SUCLG2: variants seen among roughly 807,000 people sequenced by gnomAD.
The protein encoded by SUCLG2 is succinate-CoA ligase GDP-forming subunit beta, also known as succinate--CoA ligase [GDP-forming] subunit beta, mitochondrial.
SUCLG2 carries 42 observed loss-of-function variants against 47.9 expected under a neutral mutation model. The ratio of observed to expected loss-of-function variants is 0.88; its 90% confidence interval spans 0.69 to 1.14. The LOEUF (loss-of-function observed/expected upper bound fraction) is 1.14, where lower values mean the gene tolerates loss of function less well. Ranked by LOEUF, SUCLG2 falls within the 50% of genes most tolerant of loss-of-function variation. The pLI, the probability that SUCLG2 is intolerant of heterozygous loss-of-function variation, is 0.00. For synonymous variants in SUCLG2, 195 were observed against 197.3 expected (o/e 0.99, Z 0.10); for missense variants, 571 against 525.9 (o/e 1.09, Z -0.84).
intron 2 of SUCLG2, among the ~76,000 whole-genome samples, chr3:67,535,838 G>T (rs575011806): frequency 2.8e-4 from 43 of 152,240 alleles, no homozygotes; most frequent in African/African-American, 1.0e-3. Context: ...CAAATTCTGT[G>T]CAAACTCCTC....
intron 2 of SUCLG2, among the ~76,000 whole-genome samples, chr3:67,571,657 C>T (rs1253789153): frequency 9.9e-5 from 15 of 152,194 alleles, no homozygotes; most frequent in Non-Finnish European, 2.2e-4. Context: ...ACAGTAAACA[C>T]TGGCTAAATG....
At chr3:67,456,317 T>C (rs1055386469) in intron 9 of SUCLG2, among the ~76,000 whole-genome samples, 4 of 152,190 alleles carry the variant, frequency 2.6e-5, no homozygotes, top group Admixed American at 1.3e-4. Context: ...GGCTATAACA[T>C]AGGCAGGTCT....
chr3:67,546,513 T>C (rs1379668799), intron 2 of SUCLG2, among the ~76,000 whole-genome samples: 1 of 152,154 alleles, frequency 6.6e-6, no homozygotes, highest in Non-Finnish European at 1.5e-5. Context: ...GGCAGGTGGA[T>C]CACTTGAGGC....
Position 67,470,070 on chromosome 3 carries a change from T to C in SUCLG2, c.1062+25728A>G, listed in dbSNP as rs746027748. On this transcript the variant is annotated intron_variant, in intron 9 of 10. Coordinates refer to ENST00000307227, the MANE Select transcript of SUCLG2 (RefSeq NM_003848.4). Reference sequence around the variant, plus strand: ...CAAAAAAAAAAAAAAAAAAATGTTGTCCAAGGAATTAACTTTCTCAATTCA... The same window carrying C: ...CAAAAAAAAAAAAAAAAAAATGTTGCCCAAGGAATTAACTTTCTCAATTCA... Among the ~76,000 whole-genome samples the C allele has an allele frequency of 8.3e-4, 125 of 151,450 alleles. 3 individuals are homozygous for C. In the Middle Eastern group the frequency reaches 0.01, roughly 13 times the overall value.
intron 2 of SUCLG2, among the ~76,000 whole-genome samples, chr3:67,604,251 G>A (rs944869529): frequency 2.0e-5 from 3 of 152,120 alleles, no homozygotes; most frequent in East Asian, 3.9e-4. Context: ...AGAGATAAAA[G>A]CAAATGAATC....
At chr3:67,371,777 T>TA (rs1442344654), downstream of SUCLG2, among the ~76,000 whole-genome samples, 1 of 152,190 alleles carries the variant, frequency 6.6e-6, no homozygotes, top group East Asian at 1.9e-4. Flanking sequence ...TCCCCATAGA[T>TA]ACAAAACAAA....
chr3:67,456,928 C>T (rs72918985), intron 9 of SUCLG2, among the ~76,000 whole-genome samples: 3,853 of 152,112 alleles, frequency 0.025, 158 homozygotes, highest in African/African-American at 0.088. Flanking sequence ...AGGTTATTTT[C>T]CTTTTCTTCT....
intron 9 of SUCLG2, among the ~76,000 whole-genome samples, chr3:67,453,289 G>C (rs1367842519): frequency 6.6e-6 from 1 of 151,594 alleles, no homozygotes; most frequent in East Asian, 1.9e-4. Flanking sequence ...CCATTAACTG[G>C]ATAGTTTATA....
At chr3:67,553,977 C>G (rs1707090425) in intron 2 of SUCLG2, among the ~76,000 whole-genome samples, 1 of 152,240 alleles carries the variant, frequency 6.6e-6, no homozygotes, top group African/African-American at 2.4e-5. Context: ...TTACTAAATT[C>G]TAAACCTTCC....
chr3:67,360,531 T>C (rs887775712), exon 11 of SUCLG2: 7 of 1,266,808 alleles, frequency 5.5e-6, no homozygotes, highest in Middle Eastern at 4.2e-4. Context: ...CCATTTCCAT[T>C]AGCATGCAGC....
intron 9 of SUCLG2, among the ~76,000 whole-genome samples, chr3:67,453,968 T>C (rs1575706683): frequency 6.6e-6 from 1 of 152,248 alleles, no homozygotes; most frequent in African/African-American, 2.4e-5. Flanking sequence ...TGTATGTGTG[T>C]GCAAATGGCT....
At chr3:67,366,943 C>A (rs868533825) in intron 10 of SUCLG2, among the ~76,000 whole-genome samples, 1 of 152,182 alleles carries the variant, frequency 6.6e-6, no homozygotes, top group African/African-American at 2.4e-5. Flanking sequence ...ATCACTGGAA[C>A]AAAATGTGGC....
intron 6 of SUCLG2, among the ~76,000 whole-genome samples, chr3:67,512,932 C>T (rs1705836418): frequency 6.6e-6 from 1 of 150,410 alleles, no homozygotes; most frequent in Non-Finnish European, 1.5e-5. Context: ...TATATACGCA[C>T]ATATATATCT....
chr3:67,372,703 T>C (rs542226949), downstream of SUCLG2, among the ~76,000 whole-genome samples: 5 of 152,316 alleles, frequency 3.3e-5, no homozygotes, highest in South Asian at 1.0e-3. Flanking sequence ...GGGTTTAAAA[T>C]GGAAAGATCA....
intron 2 of SUCLG2, among the ~76,000 whole-genome samples, chr3:67,603,892 G>C (rs916530945): frequency 6.6e-6 from 1 of 152,152 alleles, no homozygotes; most frequent in Admixed American, 6.5e-5. Context: ...ATGATCTGTT[G>C]ACTGTATTCA....
chr3:67,626,697 G>A lies in SUCLG2; in HGVS notation c.85-17101C>T, dbSNP rs548174345. Among the ~76,000 whole-genome samples, 32 of 152,180 alleles carry A rather than the reference G, an allele frequency of 2.1e-4. No individual in the cohort carries two copies. The East Asian group carries it at 5.4e-3, about 26-fold the overall frequency. ...TGGGAGGCCAAAGCGGGTGAATCAC[G>A]AGGTCAGGACATCGAGGCCATCCTG... On this transcript the variant is annotated intron_variant, in intron 1 of 10. Coordinates refer to ENST00000307227, the MANE Select transcript of SUCLG2 (RefSeq NM_003848.4).
intron 2 of SUCLG2, among the ~76,000 whole-genome samples, chr3:67,589,506 C>T (rs2107273783): frequency 6.6e-6 from 1 of 152,268 alleles, no homozygotes; most frequent in Middle Eastern, 3.4e-3. Flanking sequence ...CTTGGATACC[C>T]CACTACTGGC....
chr3:67,623,074 AAT>A (rs138501407), intron 1 of SUCLG2, among the ~76,000 whole-genome samples: 2 of 151,132 alleles, frequency 1.3e-5, no homozygotes, highest in Non-Finnish European at 1.5e-5. Flanking sequence ...ATCTCATTTA[AAT>A]ATATATATAT....
chr3:67,365,093 G>C (rs1701857799), intron 10 of SUCLG2, among the ~76,000 whole-genome samples: 1 of 152,188 alleles, frequency 6.6e-6, no homozygotes, highest in Admixed American at 6.5e-5. Context: ...CAGAATGATA[G>C]AAATTACCCA....
Sources: allele counts gnomAD v4.1 joint callset (sites outside exome capture counted in the v4.1 genomes callset), GRCh38; gene constraint gnomAD v4.1.1; transcripts MANE v1.5; gene names NCBI Gene and HGNC (gene_info 2026-07-23, HGNC 2026-07-21).